Variants in TUB observed in about 807,000 individuals in gnomAD.
TUB encodes the protein tubby protein homolog.
A neutral mutation model predicts 59.7 loss-of-function variants in TUB; 33 were observed. That is an observed-to-expected ratio of 0.55 (90% CI 0.42 to 0.74). The LOEUF is 0.74. TUB is among the 30% of genes least tolerant of loss of function. The pLI, the probability that TUB is intolerant of heterozygous loss-of-function variation, is 0.00. For synonymous variants in TUB, 293 were observed against 256.4 expected (o/e 1.14, Z -1.36); for missense variants, 659 against 672.0 (o/e 0.98, Z 0.21).
At chr11:8,039,430 A>ACTGCCTGCCTGCCTGCCTGC (rs56870342) in intron 1 of TUB, 3 of 441,282 alleles carry the variant, frequency 6.8e-6, no homozygotes, top group South Asian at 6.4e-5. Context: ...CCTCATCTGG[A>ACTGCCTGCCTGCCTGCCTGC]CTGCCTGCCT....
intron 1 of TUB, among the ~76,000 whole-genome samples, chr11:8,030,166 C>CG (rs1942550351): frequency 6.6e-6 from 1 of 152,084 alleles, no homozygotes; most frequent in African/African-American, 2.4e-5. Flanking sequence ...TGAAGTTTGA[C>CG]ATCATCAGGC....
At chr11:8,083,221 T>C (rs983962489) in intron 1 of TUB, among the ~76,000 whole-genome samples, 2 of 152,046 alleles carry the variant, frequency 1.3e-5, no homozygotes, top group African/African-American at 4.8e-5. Context: ...TGGACTCCGG[T>C]GCTGTGGAAG....
intron 1 of TUB, among the ~76,000 whole-genome samples, chr11:8,088,661 C>T (rs1368225076): frequency 6.6e-6 from 1 of 152,198 alleles, no homozygotes; most frequent in Non-Finnish European, 1.5e-5. Flanking sequence ...TCCTCAGGCT[C>T]CAACCTCACC....
intron 4 of TUB, 40 bp from the exon 5 acceptor site, chr11:8,095,458 C>T (rs757871795): frequency 3.8e-6 from 6 of 1,570,818 alleles, no homozygotes; most frequent in East Asian, 2.3e-5. Context: ...CCCTCCTCTC[C>T]TCCTCCTGGA....
chr11:8,053,586 C>T lies in TUB; in HGVS notation c.203+13894C>T, dbSNP rs550474644. Among the ~76,000 whole-genome samples the T allele has an allele frequency of 2.2e-3, 338 of 151,594 alleles. 1 individual carries two copies. The highest frequency in any genetic ancestry group is 6.8e-3 in the Middle Eastern group (2 of 294). ...CACGATCTCGGCTCACTGCAAGCTC[C>T]GCCTCCTGAGTTCACGCCATTCTCC... On this transcript the variant is annotated intron_variant, in intron 2 of 12. Transcript: ENST00000305253.
At chr11:8,092,270 C>T (rs2133842103) in intron 3 of TUB, among the ~76,000 whole-genome samples, 1 of 152,080 alleles carries the variant, frequency 6.6e-6, no homozygotes, top group East Asian at 1.9e-4. Flanking sequence ...AGTGAGACCC[C>T]ATCTTTAAAA....
chr11:8,082,083 G>A (rs981632564), intron 1 of TUB, among the ~76,000 whole-genome samples: 16 of 152,324 alleles, frequency 1.1e-4, no homozygotes, highest in African/African-American at 3.6e-4. Context: ...GGCTCACAAA[G>A]ACACATGCCT....
intron 10 of TUB, 99 bp downstream of exon 10, chr11:8,100,700 T>C (rs373257462): frequency 2.0e-5 from 28 of 1,383,020 alleles, no homozygotes; most frequent in Middle Eastern, 1.9e-4. Context: ...TGTGGAGGGG[T>C]ACCATGTGAG....
chr11:8,081,912 C>T lies in TUB; in HGVS notation c.38+364C>T, dbSNP rs149418040. Among the ~76,000 whole-genome samples, 583 of 152,352 alleles carry T rather than the reference C, an allele frequency of 3.8e-3. 3 individuals carry two copies. The highest frequency in any genetic ancestry group is 5.6e-3 in the Non-Finnish European group (381 of 68,038). On this transcript the variant is annotated intron_variant, in intron 1 of 11. Coordinates refer to ENST00000299506, the MANE Select transcript of TUB (RefSeq NM_177972.3). ...GCGCGCACACGCTCATACATCTGCA[C>T]GCATGCACCCACAGGACGTCCCTGC...
chr11:8,058,329 C>T (rs1235780630), intron 2 of TUB, among the ~76,000 whole-genome samples: 1 of 152,102 alleles, frequency 6.6e-6, no homozygotes, highest in Non-Finnish European at 1.5e-5. Flanking sequence ...CTGCCTTTCC[C>T]TGCGCTTGTC....
intron 3 of TUB, among the ~76,000 whole-genome samples, chr11:8,093,045 T>C (rs1254762168): frequency 6.6e-6 from 1 of 152,152 alleles, no homozygotes; most frequent in African/African-American, 2.4e-5. Flanking sequence ...CAAATGGGTG[T>C]GGTCCCTGCT....
intron 2 of TUB, among the ~76,000 whole-genome samples, chr11:8,049,586 G>GATATATATAT (rs1352319316): frequency 8.3e-6 from 1 of 121,084 alleles, no homozygotes; most frequent in Non-Finnish European, 1.7e-5. Flanking sequence ...TATATAGATA[G>GATATATATAT]ATAGATAGAT....
At chr11:8,077,705 C>T (rs1943472524), upstream of TUB, 1 of 152,332 alleles carries the variant, frequency 6.6e-6, no homozygotes, top group Non-Finnish European at 1.5e-5. Context: ...TTGACTGCCT[C>T]TTTTCTGTGT....
At chr11:8,043,882 T>G (rs1942790187) in intron 2 of TUB, among the ~76,000 whole-genome samples, 1 of 152,226 alleles carries the variant, frequency 6.6e-6, no homozygotes, top group Admixed American at 6.5e-5. Flanking sequence ...CTTTCTAATC[T>G]GGATGCCTTT....
chr11:8,063,458 G>T (rs1201059966), intron 2 of TUB, among the ~76,000 whole-genome samples: 1 of 152,218 alleles, frequency 6.6e-6, no homozygotes, highest in Non-Finnish European at 1.5e-5. Context: ...TGAAGCTGGA[G>T]TCAGGCCATC....
chr11:8,056,557 G>T (rs907043711), intron 2 of TUB, among the ~76,000 whole-genome samples: 1 of 152,092 alleles, frequency 6.6e-6, no homozygotes, highest in Non-Finnish European at 1.5e-5. Context: ...GGAGGGAAAA[G>T]GTATTTGGCA....
At chr11:8,051,434 CAAT>C (rs1346631033) in intron 2 of TUB, among the ~76,000 whole-genome samples, 1 of 152,034 alleles carries the variant, frequency 6.6e-6, no homozygotes, top group Non-Finnish European at 1.5e-5. Flanking sequence ...TCTAAATTCT[CAAT>C]GATGAATATA....
intron 1 of TUB, among the ~76,000 whole-genome samples, chr11:8,026,384 G>A (rs551050135): frequency 6.6e-6 from 1 of 150,614 alleles, no homozygotes; most frequent in African/African-American, 2.4e-5. Flanking sequence ...GGTGACAAAG[G>A]TTTTTCTAGG....
At position 8,103,538 on chromosome 11, in the gene TUB, G is replaced by C. The variant is rs1944395139; in HGVS notation, c.*1919G>C. The C allele has an allele frequency of 6.6e-6, 1 of 152,608 alleles. No homozygotes were observed. The highest frequency in any genetic ancestry group is 2.4e-5 in the African/African-American group (1 of 41,434). The allele number at this position is 152,608 out of a possible 1,614,324, so 9.5% of individuals were successfully genotyped here. A position where few individuals can be genotyped will look rare whatever the true frequency, so the allele number is the denominator to read the frequency against. On this transcript the variant is annotated 3_prime_UTR_variant, in exon 12 of 12. Coordinates refer to ENST00000299506, the MANE Select transcript of TUB (RefSeq NM_177972.3). The stretch of plus-strand genomic sequence containing the variant: ...CTTAAAGCAAGGCATACCTGTCCTA[G>C]CAGGATCTGCCCACACCTCGGCCGT...
Sources: allele counts gnomAD v4.1 joint callset (sites outside exome capture counted in the v4.1 genomes callset), GRCh38; gene constraint gnomAD v4.1.1; transcripts MANE v1.5; gene names NCBI Gene and HGNC (gene_info 2026-07-23, HGNC 2026-07-21).